Variants in CRBN observed in about 807,000 individuals in gnomAD.
CRBN encodes protein cereblon.
A neutral mutation model predicts 62.2 loss-of-function variants in CRBN; 53 were observed. The observed-to-expected ratio is 0.85, with a 90% CI of 0.68 to 1.07. CRBN has a LOEUF of 1.07. Among genes scored for constraint, CRBN ranks in the 50% least tolerant of loss-of-function variants. The pLI is 0.00. For missense variants in CRBN, 616 were observed against 531.1 expected (o/e 1.16, Z -1.57); for synonymous variants, 208 against 176.1 (o/e 1.18, Z -1.43).
At position 3,179,485 on chromosome 3, in the gene CRBN, G is replaced by GC. The variant is rs1376288385; in HGVS notation, c.67+135dup. The GC allele has an allele frequency of 6.4e-6, 5 of 777,110 alleles. No homozygotes were observed. The African/African-American group carries it at 7.0e-5, about 11-fold the overall frequency. The allele number at this position is 777,110 out of a possible 1,614,324, so 48.1% of individuals were successfully genotyped here. On this transcript the variant is annotated intron_variant, in intron 1 of 10. Coordinates refer to ENST00000231948, the MANE Select transcript of CRBN (RefSeq NM_016302.4). ...GCTGGCCGAGGGCCGACGTGAAGCA[G>GC]CTTTCCGGTGCGGCCCTGCTGGGCT... is the stretch of plus-strand genomic sequence containing the variant.
At chr3:3,171,932 T>G (rs972079137) in intron 4 of CRBN, among the ~76,000 whole-genome samples, 3 of 152,216 alleles carry the variant, frequency 2.0e-5, no homozygotes, top group Non-Finnish European at 4.4e-5. Flanking sequence ...ACCAGGACTG[T>G]GTATCTGTGA....
At chr3:3,172,410 C>A (rs559885986) in intron 4 of CRBN, 2 of 285,844 alleles carry the variant, frequency 7.0e-6, no homozygotes, top group Admixed American at 4.9e-5. Context: ...TCTTATGCTC[C>A]GAGAGGCCTT....
intron 5 of CRBN, among the ~76,000 whole-genome samples, chr3:3,157,969 CT>C (rs1402360737): frequency 6.6e-6 from 1 of 152,140 alleles, no homozygotes; most frequent in African/African-American, 2.4e-5. Flanking sequence ...AGAGGACAGA[CT>C]TGTTCTAAAA....
rs117137374 is a variant in CRBN at position 3,150,459 on chromosome 3, G to A, written c.*406C>T. On this transcript the variant is annotated 3_prime_UTR_variant, in exon 11 of 11. Coordinates refer to ENST00000231948, the MANE Select transcript of CRBN (RefSeq NM_016302.4). ...TTATTTAGAGCACTGGTACAGATAC[G>A]CTGTCCCATACATCAGGATCAAATT... 292 of 190,888 alleles carry A rather than the reference G, an allele frequency of 1.5e-3. 5 individuals are homozygous for A. The East Asian group carries it at 0.023, about 15-fold the overall frequency. The allele number at this position is 190,888 out of a possible 1,614,324, so 11.8% of individuals were successfully genotyped here.
intron 4 of CRBN, among the ~76,000 whole-genome samples, chr3:3,168,994 C>G (rs1707487229): frequency 2.0e-5 from 3 of 152,110 alleles, no homozygotes; most frequent in Admixed American, 2.0e-4. Flanking sequence ...TTGTTAATTA[C>G]ATTATGAAGG....
At chr3:3,159,721 T>G (rs1041185635) in intron 5 of CRBN, among the ~76,000 whole-genome samples, 21 of 152,146 alleles carry the variant, frequency 1.4e-4, no homozygotes, top group African/African-American at 4.8e-4. Flanking sequence ...TGATGTGTGT[T>G]AGTCAATTAG....
At chr3:3,165,934 A>C (rs1330199683) in intron 5 of CRBN, among the ~76,000 whole-genome samples, 1 of 151,890 alleles carries the variant, frequency 6.6e-6, no homozygotes, top group Non-Finnish European at 1.5e-5. Context: ...TTCCAAATCT[A>C]CTCCTTGGGG....
intron 6 of CRBN, chr3:3,155,220 C>T (rs907766189): frequency 3.3e-5 from 6 of 180,824 alleles, no homozygotes; most frequent in Non-Finnish European, 7.0e-5. Context: ...TTACTTGGCA[C>T]CTATTTACTA....
At chr3:3,161,523 G>C (rs1707138841) in intron 5 of CRBN, among the ~76,000 whole-genome samples, 1 of 152,142 alleles carries the variant, frequency 6.6e-6, no homozygotes, top group Non-Finnish European at 1.5e-5. Flanking sequence ...CAAGTAGCTG[G>C]GATTACAGGC....
At chr3:3,165,780 G>GA (rs1439277452) in intron 5 of CRBN, among the ~76,000 whole-genome samples, 2 of 151,678 alleles carry the variant, frequency 1.3e-5, no homozygotes, top group Non-Finnish European at 1.5e-5. Context: ...TGTACCCCCT[G>GA]AAAAAAAATC....
In CRBN at chr3:3,150,715, C is replaced by T. The variant is rs1706470778; in HGVS notation, c.*150G>A. ...TACTTAAAAGTTTCAAATACAGTTTCACTTAGAAACTGCAACCCTCCAAGT... is the reference window on the plus strand; with the variant it reads ...TACTTAAAAGTTTCAAATACAGTTTTACTTAGAAACTGCAACCCTCCAAGT... On this transcript the variant is annotated 3_prime_UTR_variant, in exon 11 of 11. Coordinates refer to ENST00000231948, the MANE Select transcript of CRBN (RefSeq NM_016302.4). 1 of 756,460 alleles carries T rather than the reference C, an allele frequency of 1.3e-6. No individual in the cohort carries two copies. Among genetic ancestry groups the T allele is most frequent in the Non-Finnish European group, 2.1e-6 (1 of 476,182 alleles). 46.9% of individuals were successfully genotyped at this position (756,460 alleles called of 1,614,324 possible).
chr3:3,168,494 A>T (rs1309151617), intron 4 of CRBN, among the ~76,000 whole-genome samples: 1 of 152,182 alleles, frequency 6.6e-6, no homozygotes. Flanking sequence ...GGAAGGTTGT[A>T]TCTATGAGCT....
intron 5 of CRBN, among the ~76,000 whole-genome samples, chr3:3,158,538 C>T (rs1707006836): frequency 6.6e-6 from 1 of 152,224 alleles, no homozygotes; most frequent in Non-Finnish European, 1.5e-5. Flanking sequence ...ATTATTGTCA[C>T]AGTCCAGTTA....
intron 1 of CRBN, 99 bp downstream of exon 1, chr3:3,179,522 C>T (rs1314239910): frequency 1.6e-6 from 2 of 1,229,284 alleles, no homozygotes; most frequent in Non-Finnish European, 2.4e-6. Flanking sequence ...GCTCGCCAGG[C>T]TTGGCGCCCC....
chr3:3,165,629 C>T (rs181114759), intron 5 of CRBN, among the ~76,000 whole-genome samples: 6 of 152,226 alleles, frequency 3.9e-5, no homozygotes, highest in Admixed American at 3.3e-4. Flanking sequence ...TCTTATTGTA[C>T]ACATGATAGA....
rs149959242 is a variant in CRBN at position 3,152,478 on chromosome 3, T to C, written c.1126A>G (p.Thr376Ala). ...TACCCAGGAAACCAGCTGTGTTCTG[T>C]AGAAGGCCGGCCTATCAGATTCAAG... ...CNLNLIGRPS[T>A]EHSWFPGYAW... The change falls in exon 10 of 11, where the codon ACA becomes GCA. Residue 376 changes from threonine (T) to alanine (A), a missense_variant. Transcript: ENST00000231948. The C allele has an allele frequency of 6.2e-7, 1 of 1,613,890 alleles. No individual in the cohort carries two copies. The highest frequency in any genetic ancestry group is 8.5e-7 in the Non-Finnish European group (1 of 1,179,982).
chr3:3,165,897 C>A (rs773479472), intron 5 of CRBN, among the ~76,000 whole-genome samples: 1 of 152,158 alleles, frequency 6.6e-6, no homozygotes, highest in East Asian at 1.9e-4. Context: ...GCCAAACATA[C>A]TTTTAGGCAC....
chr3:3,179,326 C>T (rs1213096829), intron 1 of CRBN, among the ~76,000 whole-genome samples: 2 of 152,126 alleles, frequency 1.3e-5, no homozygotes, highest in South Asian at 2.1e-4. Flanking sequence ...CAGAGCATTT[C>T]CTAGGAGCTA....
chr3:3,155,197 C>G (rs1224412323), intron 6 of CRBN: 3 of 229,144 alleles, frequency 1.3e-5, no homozygotes, highest in Admixed American at 1.0e-4. Flanking sequence ...CTAGCACTTG[C>G]TATCTACATA....
Sources: gnomAD v4.1 joint callset for allele counts (sites outside exome capture counted in the v4.1 genomes callset) on GRCh38, gnomAD v4.1.1 for gene constraint, MANE v1.5 for transcripts, NCBI Gene and HGNC (gene_info 2026-07-23, HGNC 2026-07-21) for gene names.